TNS3: variants seen among roughly 807,000 people sequenced by gnomAD.
TNS3 encodes tensin-3.
In TNS3, 45 loss-of-function variants were observed where a neutral mutation model predicts 140.9. The observed-to-expected ratio is 0.32, with a 90% CI of 0.25 to 0.41. The LOEUF is 0.41. Ranked by LOEUF, TNS3 falls within the 10% of genes least tolerant of loss-of-function variation. The pLI, the probability that TNS3 is intolerant of heterozygous loss-of-function variation, is 1.00. For synonymous variants in TNS3, 815 were observed against 788.4 expected, an observed-to-expected ratio of 1.03 and a Z score of -0.56; for missense variants, 1,716 against 1,906.7, an observed-to-expected ratio of 0.90 and a Z score of 1.86.
At chr7:47,466,555 G>A (rs1172244943) in intron 4 of TNS3, among the ~76,000 whole-genome samples, 4 of 152,206 alleles carry the variant, frequency 2.6e-5, no homozygotes, top group Non-Finnish European at 5.9e-5. Flanking sequence ...CTGCAGTATG[G>A]CTTCACAGAT....
At chr7:47,377,819 T>G in intron 16 of TNS3, among the ~76,000 whole-genome samples, 2 of 126,390 alleles carry the variant, frequency 1.6e-5, no homozygotes, top group South Asian at 3.0e-4. Context: ...TCAAAGGCCT[T>G]CCCTCCTCTT....
chr7:47,339,211 A>G (rs1055979459), intron 20 of TNS3, among the ~76,000 whole-genome samples: 2 of 152,210 alleles, frequency 1.3e-5, no homozygotes, highest in African/African-American at 2.4e-5. Context: ...TAATTTTTAT[A>G]AAGTCTAATT....
At chr7:47,479,068 A>G (rs1237064498) in intron 4 of TNS3, among the ~76,000 whole-genome samples, 1 of 152,074 alleles carries the variant, frequency 6.6e-6, no homozygotes, top group East Asian at 1.9e-4. Context: ...ACGCAGGGGG[A>G]GGGCTGTGCT....
At chr7:47,358,070 G>A (rs1790097886) in intron 17 of TNS3, among the ~76,000 whole-genome samples, 1 of 151,980 alleles carries the variant, frequency 6.6e-6, no homozygotes, top group South Asian at 2.1e-4. Flanking sequence ...ATGCCTGCCT[G>A]TTCACATGCA....
chr7:47,278,398 G>T, intron 30 of TNS3, 178 bp from the exon 31 acceptor site: 1 of 656,484 alleles, frequency 1.5e-6, no homozygotes, highest in Non-Finnish European at 2.5e-6. Flanking sequence ...AGCCTTCACA[G>T]ACCTACAGAT....
At chr7:47,374,442 T>C (rs1261373192) in intron 16 of TNS3, among the ~76,000 whole-genome samples, 2 of 152,210 alleles carry the variant, frequency 1.3e-5, no homozygotes, top group African/African-American at 4.8e-5. Flanking sequence ...ATCGTCTATC[T>C]TCTCACCTAT....
At chr7:47,352,732 C>T (rs1193159964) in intron 17 of TNS3, among the ~76,000 whole-genome samples, 1 of 152,178 alleles carries the variant, frequency 6.6e-6, no homozygotes, top group Non-Finnish European at 1.5e-5. Flanking sequence ...ACCCTCTTCT[C>T]ACTGAGAGCT....
At chr7:47,475,106 C>T (rs371433570) in intron 4 of TNS3, among the ~76,000 whole-genome samples, 11 of 151,732 alleles carry the variant, frequency 7.2e-5, no homozygotes, top group African/African-American at 2.4e-4. Context: ...ACACAACACA[C>T]AAACACAACA....
chr7:47,529,642 T>C (rs1799322488), intron 1 of TNS3, among the ~76,000 whole-genome samples: 1 of 152,238 alleles, frequency 6.6e-6, no homozygotes, highest in African/African-American at 2.4e-5. Flanking sequence ...CTTGAGCCTC[T>C]CTGAGCTCTC....
chr7:47,479,892 CA>C lies in TNS3; in HGVS notation c.-76+1210del, dbSNP rs1229287642. On this transcript the variant is annotated intron_variant, in intron 4 of 30. Transcript: ENST00000311160. ...AGGAGAAAACCGAGGCTCAGGTGGG[CA>C]GGGGGCGAGGGCAGGGCCTGGCCAC... Among the ~76,000 whole-genome samples, 6 of 152,230 alleles carry C rather than the reference CA, an allele frequency of 3.9e-5. No homozygotes were observed. In the South Asian group the frequency reaches 1.2e-3, roughly 32 times the overall value.
intron 4 of TNS3, among the ~76,000 whole-genome samples, chr7:47,461,896 T>C (rs1476209556): frequency 1.3e-5 from 2 of 152,216 alleles, no homozygotes; most frequent in African/African-American, 4.8e-5. Flanking sequence ...GCTCCAATTA[T>C]TCCTAAGTAT....
At chr7:47,383,842 G>C (rs1029399205) in intron 16 of TNS3, among the ~76,000 whole-genome samples, 3 of 152,170 alleles carry the variant, frequency 2.0e-5, no homozygotes, top group African/African-American at 7.2e-5. Context: ...CTCTAGTGCA[G>C]GGTTCCAGGC....
intron 2 of TNS3, among the ~76,000 whole-genome samples, chr7:47,528,407 A>G (rs1251526761): frequency 6.6e-6 from 1 of 152,134 alleles, no homozygotes; most frequent in Non-Finnish European, 1.5e-5. Context: ...AAATGATGCC[A>G]AAGAGCAGCC....
intron 1 of TNS3, among the ~76,000 whole-genome samples, chr7:47,577,135 T>C (rs750665578): frequency 6.6e-6 from 1 of 152,166 alleles, no homozygotes; most frequent in Non-Finnish European, 1.5e-5. Flanking sequence ...CCCAGGGGCA[T>C]GGCCTGGCTA....
At position 47,396,912 on chromosome 7, in the gene TNS3, G is replaced by A. The variant is rs200592767; in HGVS notation, c.920-8C>T. 2 of 1,608,070 alleles carry A rather than the reference G, an allele frequency of 1.2e-6. No individual in the cohort carries two copies. The highest frequency in any genetic ancestry group is 1.1e-5 in the South Asian group (1 of 90,982). ...TGTACAAGTGTTCGGACCCTGCACA[G>A]AGCACAGGCAGCAACATTAGTCCCA... On this transcript the variant is annotated splice_region_variant and splice_polypyrimidine_tract_variant and intron_variant, in intron 15 of 30. Transcript: ENST00000311160.
chr7:47,474,981 C>A (rs1179779136), intron 4 of TNS3, among the ~76,000 whole-genome samples: 1 of 150,474 alleles, frequency 6.6e-6, no homozygotes, highest in East Asian at 2.0e-4. Flanking sequence ...ACTACACACA[C>A]TGCAACGCAC....
At position 47,407,121 on chromosome 7, in the gene TNS3, G is replaced by A. The variant is rs115048928; in HGVS notation, c.723+4606C>T. On this transcript the variant is annotated intron_variant, in intron 13 of 30. Transcript: ENST00000311160. The surrounding 1 kb of genome is among the most constrained non-coding windows in gnomAD (Gnocchi z 4.1). The stretch of plus-strand genomic sequence containing the variant: ...TTTTCTTCCTGTGTTGTTCCCTTAG[G>A]TCGTTTTCAGAGGGAGTCAACAGCA... Among the ~76,000 whole-genome samples, 959 of 152,186 alleles carry A rather than the reference G, an allele frequency of 6.3e-3. 5 individuals carry two copies. The highest frequency in any genetic ancestry group is 0.021 in the African/African-American group (890 of 41,514).
intron 1 of TNS3, among the ~76,000 whole-genome samples, chr7:47,555,835 G>A (rs951139307): frequency 1.3e-5 from 2 of 152,194 alleles, no homozygotes; most frequent in African/African-American, 4.8e-5. Context: ...ACTTTTATAT[G>A]CACTGGGAAA....
intron 24 of TNS3, among the ~76,000 whole-genome samples, chr7:47,295,577 T>G (rs937262497): frequency 6.6e-6 from 1 of 152,148 alleles, no homozygotes; most frequent in African/African-American, 2.4e-5. Context: ...GATCCTACTT[T>G]TCAAGAATTA....
Sources: allele counts gnomAD v4.1 joint callset (sites outside exome capture counted in the v4.1 genomes callset), GRCh38; gene constraint gnomAD v4.1.1; non-coding constraint Gnocchi (gnomAD v3.1); transcripts MANE v1.5; gene names NCBI Gene and HGNC (gene_info 2026-07-23, HGNC 2026-07-21).